Variants in FSTL4 observed in about 807,000 individuals in gnomAD.
FSTL4 encodes follistatin-related protein 4.
A neutral mutation model predicts 78.2 loss-of-function variants in FSTL4; 28 were observed. That is an observed-to-expected ratio of 0.36 (90% confidence interval 0.27 to 0.49). FSTL4 has a LOEUF of 0.49. Ranked by LOEUF, FSTL4 falls within the 20% of genes least tolerant of loss-of-function variation. FSTL4 has a pLI of 0.98. For synonymous variants in FSTL4, 422 were observed against 440.5 expected (o/e 0.96, Z 0.53); for missense variants, 922 against 1,084.9 (o/e 0.85, Z 2.11).
At chr5:133,683,652 T>C in the FSTL4 span, among the ~76,000 whole-genome samples, 1 of 152,200 alleles carries the variant, frequency 6.6e-6, no homozygotes, top group African/African-American at 2.4e-5. Context: ...ACTGGCCATT[T>C]ATTTCCTTTT....
At chr5:133,758,435 C>G in the FSTL4 span, among the ~76,000 whole-genome samples, 1 of 152,046 alleles carries the variant, frequency 6.6e-6, no homozygotes, top group Non-Finnish European at 1.5e-5. Context: ...AATAAAACAA[C>G]CAAGTTTACT....
chr5:133,501,129 C>T (rs1758487017), intron 3 of FSTL4, among the ~76,000 whole-genome samples: 1 of 152,022 alleles, frequency 6.6e-6, no homozygotes, highest in Admixed American at 6.6e-5. Context: ...CACAAGGTGG[C>T]CATAGAGATG....
intron 4 of FSTL4, among the ~76,000 whole-genome samples, chr5:133,384,877 G>A (rs1401323968): frequency 6.6e-6 from 1 of 152,120 alleles, no homozygotes; most frequent in African/African-American, 2.4e-5. Flanking sequence ...CTCTATATTT[G>A]GAGAAACACC....
intron 3 of FSTL4, among the ~76,000 whole-genome samples, chr5:133,452,230 T>C (rs1178666914): frequency 6.6e-6 from 1 of 152,256 alleles, no homozygotes. Flanking sequence ...AGTGTCACTC[T>C]TGCCTTTCTG....
At chr5:133,221,279 C>A (rs2126787605) in intron 11 of FSTL4, among the ~76,000 whole-genome samples, 1 of 152,278 alleles carries the variant, frequency 6.6e-6, no homozygotes, top group African/African-American at 2.4e-5. Context: ...CTTTTTTAAA[C>A]CCATGTATGT....
chr5:133,456,255 C>T (rs1177179671), intron 3 of FSTL4, among the ~76,000 whole-genome samples: 1 of 152,226 alleles, frequency 6.6e-6, no homozygotes, highest in African/African-American at 2.4e-5. Flanking sequence ...TAGCCCAAAC[C>T]TCCTGGTGGG....
At chr5:133,215,002 T>C (rs993939616) in intron 13 of FSTL4, among the ~76,000 whole-genome samples, 2 of 152,210 alleles carry the variant, frequency 1.3e-5, no homozygotes, top group African/African-American at 4.8e-5. Flanking sequence ...CCTACGATTC[T>C]AACTTGAATC....
intron 14 of FSTL4, among the ~76,000 whole-genome samples, chr5:133,204,976 G>T (rs1332757959): frequency 6.6e-6 from 1 of 151,918 alleles, no homozygotes; most frequent in Non-Finnish European, 1.5e-5. Context: ...ATGAAGGTAG[G>T]TTTATTCAAA....
intron 4 of FSTL4, among the ~76,000 whole-genome samples, chr5:133,363,481 C>T (rs919949743): frequency 2.6e-5 from 4 of 152,140 alleles, no homozygotes; most frequent in African/African-American, 9.7e-5. Context: ...TGGTCACTAA[C>T]AGGAAGGTCT....
chr5:133,297,240 C>G (rs980256161), intron 6 of FSTL4, among the ~76,000 whole-genome samples: 3 of 152,212 alleles, frequency 2.0e-5, no homozygotes, highest in Non-Finnish European at 4.4e-5. Flanking sequence ...CCCTGCCAGA[C>G]AGAGGAAGAA....
rs3975738 is a variant in FSTL4, at chr5:133,375,291, C to CATATATATATATAT, written c.409+25433_409+25446dup. Among the ~76,000 whole-genome samples, 247 of 57,934 alleles carry CATATATATATATAT rather than the reference C, an allele frequency of 4.3e-3. 24 individuals carry two copies. Among genetic ancestry groups the CATATATATATATAT allele is most frequent in the South Asian group, 0.014 (21 of 1,506 alleles). The allele number at this position is 57,934 out of a possible 152,430, so 38.0% of individuals were successfully genotyped here. On this transcript the variant is annotated intron_variant, in intron 4 of 15. Coordinates refer to ENST00000265342, the MANE Select transcript of FSTL4 (RefSeq NM_015082.2). ...AACCCAAAACATAGGGTGTGCATGG[C>CATATATATATATAT]ATATATATATATATATATATAAAAG...
At chr5:133,336,094 T>C (rs17166592) in intron 4 of FSTL4, among the ~76,000 whole-genome samples, 5,839 of 152,302 alleles carry the variant, frequency 0.038, 243 homozygotes, top group African/African-American at 0.11. Flanking sequence ...AGATTGAACA[T>C]AGACCAAATA....
chr5:133,202,785 G>T (rs1177823945), intron 14 of FSTL4: 1 of 152,268 alleles, frequency 6.6e-6, no homozygotes, highest in Non-Finnish European at 1.5e-5. Flanking sequence ...GTACAAATTG[G>T]TAGTGACAGA....
intron 4 of FSTL4, among the ~76,000 whole-genome samples, chr5:133,332,239 C>T (rs1156692926): frequency 2.0e-5 from 3 of 152,240 alleles, no homozygotes; most frequent in Non-Finnish European, 4.4e-5. Context: ...GGAGCGAAAG[C>T]AGCAGCCTGA....
chr5:133,703,111 T>A, the FSTL4 span, among the ~76,000 whole-genome samples: 1 of 152,196 alleles, frequency 6.6e-6, no homozygotes, highest in Non-Finnish European at 1.5e-5. Context: ...TGGAGATGGA[T>A]AATATCTGAC....
the FSTL4 span, among the ~76,000 whole-genome samples, chr5:133,791,729 C>T: frequency 6.6e-6 from 1 of 152,232 alleles, no homozygotes; most frequent in East Asian, 1.9e-4. Context: ...CATTCCTATT[C>T]CACCTGTGGA....
At chr5:133,428,471 C>T (rs573096936) in intron 3 of FSTL4, among the ~76,000 whole-genome samples, 5 of 152,278 alleles carry the variant, frequency 3.3e-5, no homozygotes, top group African/African-American at 1.2e-4. Context: ...CAACAGGACA[C>T]GAACAACAGA....
At chr5:133,274,622 G>A (rs921209082) in intron 6 of FSTL4, among the ~76,000 whole-genome samples, 3 of 152,134 alleles carry the variant, frequency 2.0e-5, no homozygotes, top group Admixed American at 6.5e-5. Flanking sequence ...GGGCTTTGGT[G>A]GGGTGGTGTG....
chr5:133,588,139 A>G (rs199608654), intron 2 of FSTL4, among the ~76,000 whole-genome samples: 8,386 of 114,770 alleles, frequency 0.073, 257 homozygotes, highest in African/African-American at 0.12. Flanking sequence ...TCAATCCAAG[A>G]TGGATTAAAG....
Sources: gnomAD v4.1 joint callset for allele counts (sites outside exome capture counted in the v4.1 genomes callset) on GRCh38, gnomAD v4.1.1 for gene constraint, MANE v1.5 for transcripts, NCBI Gene and HGNC (gene_info 2026-07-23, HGNC 2026-07-21) for gene names.